Variants in PPTC7 observed in about 807,000 individuals in gnomAD.
The protein encoded by PPTC7 is protein phosphatase PTC7 homolog.
Under a neutral mutation model 30.8 loss-of-function variants are expected in PPTC7, and 6 were observed. The ratio of observed to expected loss-of-function variants is 0.19; its 90% confidence interval spans 0.11 to 0.38. The LOEUF (loss-of-function observed/expected upper bound fraction) is 0.38. Among genes scored for constraint, PPTC7 ranks in the 10% least tolerant of loss-of-function variants. The pLI is 1.00. For synonymous variants in PPTC7, 163 were observed against 168.1 expected (o/e 0.97, Z 0.23); for missense variants, 218 against 404.8 (o/e 0.54, Z 3.96).
At position 110,533,704 on chromosome 12, in the gene PPTC7, A is replaced by G. The variant is rs1442456749; in HGVS notation, c.*3333T>C. ...AGCTGGTATTAAGGTGACCTAAAGA[A>G]CCATGAACTCATCCAAAGTACAAAC... On this transcript the variant is annotated 3_prime_UTR_variant, in exon 6 of 6. Transcript: ENST00000354300. The G allele has an allele frequency of 1.3e-5, 2 of 152,208 alleles. No homozygotes were observed. The highest frequency in any genetic ancestry group is 2.9e-5 in the Non-Finnish European group (2 of 68,030). 9.4% of individuals were successfully genotyped at this position (152,208 alleles called of 1,614,324 possible).
chr12:110,567,472 T>C (rs920273930), intron 1 of PPTC7, among the ~76,000 whole-genome samples: 10 of 152,234 alleles, frequency 6.6e-5, no homozygotes, highest in Non-Finnish European at 1.3e-4. Flanking sequence ...GCAGCCCAGC[T>C]ACCCATACAT....
At chr12:110,562,755 T>C (rs1353799113) in intron 1 of PPTC7, among the ~76,000 whole-genome samples, 2 of 151,114 alleles carry the variant, frequency 1.3e-5, no homozygotes, top group Middle Eastern at 3.4e-3. Context: ...ATTGAGCCAC[T>C]GCACTCCAGC....
chr12:110,539,839 C>T lies in PPTC7; in HGVS notation c.709G>A (p.Glu237Lys), dbSNP rs138545365. ...DNMPDYMILQ[E>K]LKKLKNSNYE... Reference sequence around the variant, plus strand: ...TTAATTACCTTTAACTTTTTTAGCTCCTGAAGAATCATATAATCAGGCATG... The same window carrying T: ...TTAATTACCTTTAACTTTTTTAGCTTCTGAAGAATCATATAATCAGGCATG... Residue 237 changes from glutamate (E) to lysine (K), a missense_variant, in exon 4 of 6, where the codon GAG becomes AAG. By Grantham distance (56) the Glu-to-Lys change is moderately conservative (BLOSUM62 1). Transcript: ENST00000354300. The T allele has an allele frequency of 1.2e-6, 2 of 1,613,666 alleles. No individual in the cohort carries two copies. Among genetic ancestry groups the T allele is most frequent in the African/African-American group, 2.7e-5 (2 of 74,872 alleles).
At chr12:110,541,700 C>CAAA (rs748911395) in intron 3 of PPTC7, among the ~76,000 whole-genome samples, 14 of 66,390 alleles carry the variant, frequency 2.1e-4, no homozygotes, top group Admixed American at 3.4e-4. Flanking sequence ...AACTCCGTCT[C>CAAA]AAAAAAAAAA....
intron 1 of PPTC7, among the ~76,000 whole-genome samples, chr12:110,556,844 G>C (rs1041254283): frequency 1.4e-4 from 21 of 152,146 alleles, no homozygotes; most frequent in African/African-American, 4.3e-4. Flanking sequence ...TGCTGCAGGA[G>C]GGTCAACAGC....
At chr12:110,564,387 C>A (rs1351638992) in intron 1 of PPTC7, among the ~76,000 whole-genome samples, 1 of 152,168 alleles carries the variant, frequency 6.6e-6, no homozygotes, top group African/African-American at 2.4e-5. Flanking sequence ...AAGGAAGTAA[C>A]AAGCAATTAA....
intron 2 of PPTC7, 56 bp from the exon 3 acceptor site, chr12:110,546,134 A>G (rs1229551083): frequency 8.1e-6 from 11 of 1,358,630 alleles, no homozygotes; most frequent in Non-Finnish European, 9.3e-6. Context: ...CTTTGCACAC[A>G]CATTTTAACA....
intron 1 of PPTC7, among the ~76,000 whole-genome samples, chr12:110,556,872 G>A (rs2064392446): frequency 2.0e-5 from 3 of 152,152 alleles, no homozygotes; most frequent in Admixed American, 1.3e-4. Context: ...TAGTGCTTAC[G>A]GACACCACGA....
intron 3 of PPTC7, among the ~76,000 whole-genome samples, chr12:110,543,003 G>A (rs2064274839): frequency 6.6e-6 from 1 of 152,144 alleles, no homozygotes; most frequent in African/African-American, 2.4e-5. Context: ...GGAAAGGTGA[G>A]ATCTGATAAT....
intron 2 of PPTC7, 144 bp downstream of exon 2, chr12:110,551,645 C>T (rs937948444): frequency 1.1e-5 from 8 of 734,642 alleles, no homozygotes; most frequent in South Asian, 4.0e-5. Flanking sequence ...CTGCGCCCAG[C>T]GGTTAGCCTA....
chr12:110,538,902 C>T (rs547224116), intron 4 of PPTC7, among the ~76,000 whole-genome samples: 1 of 152,322 alleles, frequency 6.6e-6, no homozygotes, highest in East Asian at 1.9e-4. Flanking sequence ...TCTCTATTCC[C>T]TTATCCAGCT....
At chr12:110,538,304 C>T in intron 4 of PPTC7, 31 bp from the exon 5 acceptor site, 2 of 1,603,592 alleles carry the variant, frequency 1.2e-6, no homozygotes, top group Non-Finnish European at 1.7e-6. Flanking sequence ...GTTATTTTAC[C>T]ATAATGCTCA....
At chr12:110,556,631 A>T (rs548527545) in intron 1 of PPTC7, among the ~76,000 whole-genome samples, 5 of 152,350 alleles carry the variant, frequency 3.3e-5, no homozygotes, top group Admixed American at 3.3e-4. Flanking sequence ...GATCCCAAAG[A>T]TGTCAGGAAC....
chr12:110,548,656 G>A (rs551328992), intron 2 of PPTC7, among the ~76,000 whole-genome samples: 5 of 152,160 alleles, frequency 3.3e-5, no homozygotes, highest in Non-Finnish European at 5.9e-5. Context: ...AACCCGAGTA[G>A]CACATCCTTG....
chr12:110,577,605 A>G (rs1328567338), intron 1 of PPTC7, among the ~76,000 whole-genome samples: 1 of 152,208 alleles, frequency 6.6e-6, no homozygotes, highest in Non-Finnish European at 1.5e-5. Context: ...CAAGACAACT[A>G]CTTTTAAGAC....
At position 110,534,942 on chromosome 12, in the gene PPTC7, T is replaced by G. The variant is rs577649578; in HGVS notation, c.*2095A>C. The G allele has an allele frequency of 9.8e-5, 15 of 152,650 alleles. No individual in the cohort carries two copies. Among genetic ancestry groups the G allele is most frequent in the African/African-American group, 3.6e-4 (15 of 41,442 alleles). 9.5% of individuals were successfully genotyped at this position (152,650 alleles called of 1,614,324 possible). ...GGCGTTGGAAAATGAATGCAAAATA[T>G]ATCCAGATCATAAGGCTACATACTC... On this transcript the variant is annotated 3_prime_UTR_variant, in exon 6 of 6. Coordinates refer to ENST00000354300, the MANE Select transcript of PPTC7 (RefSeq NM_139283.2).
intron 3 of PPTC7, among the ~76,000 whole-genome samples, chr12:110,544,159 G>A (rs2064286824): frequency 6.6e-6 from 1 of 152,126 alleles, no homozygotes; most frequent in Non-Finnish European, 1.5e-5. Flanking sequence ...GATTTAGACT[G>A]GTGACCATAA....
At chr12:110,538,061 GTC>G (rs1328254797) in intron 5 of PPTC7, 81 bp downstream of exon 5, 1 of 1,473,866 alleles carries the variant, frequency 6.8e-7, no homozygotes, top group Non-Finnish European at 9.3e-7. Context: ...CACCTCCACA[GTC>G]TCACCCAGAG....
chr12:110,558,149 G>T (rs1367517753), intron 1 of PPTC7, among the ~76,000 whole-genome samples: 1 of 152,174 alleles, frequency 6.6e-6, no homozygotes, highest in Non-Finnish European at 1.5e-5. Context: ...GCCTTTAAAA[G>T]ACATTTAATT....
Sources: allele counts gnomAD v4.1 joint callset (sites outside exome capture counted in the v4.1 genomes callset), GRCh38; gene constraint gnomAD v4.1.1; transcripts MANE v1.5; gene names NCBI Gene and HGNC (gene_info 2026-07-23, HGNC 2026-07-21).